Variants in ANKS1B observed in about 807,000 individuals in gnomAD.
ANKS1B encodes ankyrin repeat and sterile alpha motif domain-containing protein 1B.
Under a neutral mutation model 148.3 loss-of-function variants are expected in ANKS1B, and 36 were observed. The observed-to-expected ratio is 0.24, with a 90% CI of 0.19 to 0.32. The LOEUF is 0.32. Ranked by LOEUF, ANKS1B falls within the 10% of genes least tolerant of loss-of-function variation. The pLI, the probability that ANKS1B is intolerant of heterozygous loss-of-function variation, is 1.00. For missense variants in ANKS1B, 1,157 were observed against 1,542.6 expected, an observed-to-expected ratio of 0.75 and a Z score of 4.19; for synonymous variants, 542 against 560.8, an observed-to-expected ratio of 0.97 and a Z score of 0.47.
intron 9 of ANKS1B, among the ~76,000 whole-genome samples, chr12:99,519,163 T>C (rs779857949): frequency 2.6e-5 from 4 of 152,128 alleles, no homozygotes; most frequent in Admixed American, 1.3e-4. Flanking sequence ...TTGAGAATGA[T>C]CCATGTGCTA....
intron 17 of ANKS1B, among the ~76,000 whole-genome samples, chr12:98,865,950 T>C (rs938018066): frequency 1.3e-4 from 20 of 152,120 alleles, no homozygotes; most frequent in Non-Finnish European, 1.6e-4. Context: ...GAGGGCATGC[T>C]TCCTAATAGA....
At chr12:99,012,441 T>C (rs1246214200) in intron 17 of ANKS1B, among the ~76,000 whole-genome samples, 1 of 152,194 alleles carries the variant, frequency 6.6e-6, no homozygotes, top group East Asian at 1.9e-4. Context: ...AGACTTTATA[T>C]TTTCAATTAG....
Position 98,800,675 on chromosome 12 carries a change from GATATATAT to G in ANKS1B, c.3270+314_3270+321del, listed in dbSNP as rs3049844. 1.1e-3 allele frequency among the ~76,000 whole-genome samples: 112 copies of G among 99,712 alleles called. 3 individuals carry two copies. The highest frequency in any genetic ancestry group is 2.0e-3 in the Non-Finnish European group (93 of 46,350). The allele number at this position is 99,712 out of a possible 152,430, so 65.4% of individuals were successfully genotyped here. ...ACCCAGTGTTTGGTGAGTGAGCAGA[GATATATAT>G]ATATATATGCCATATTTACACTCAT... On this transcript the variant is annotated intron_variant, in intron 21 of 26. Transcript: ENST00000683438.
chr12:99,256,219 C>T (rs901353886), intron 12 of ANKS1B, among the ~76,000 whole-genome samples: 6 of 146,088 alleles, frequency 4.1e-5, no homozygotes, highest in Non-Finnish European at 9.0e-5. Flanking sequence ...CACTGCACTC[C>T]AGCCTGGGTG....
chr12:99,785,980 T>G (rs968049928), intron 4 of ANKS1B, among the ~76,000 whole-genome samples: 1 of 152,216 alleles, frequency 6.6e-6, no homozygotes, highest in African/African-American at 2.4e-5. Context: ...TGGAAACTGA[T>G]TCGGCTCTTA....
chr12:99,846,571 T>G (rs576736090), intron 1 of ANKS1B, among the ~76,000 whole-genome samples: 2 of 152,290 alleles, frequency 1.3e-5, no homozygotes, highest in East Asian at 3.9e-4. Flanking sequence ...AATAATTATG[T>G]TGTATTTGAC....
chr12:99,818,470 T>C (rs2153674028), intron 2 of ANKS1B, among the ~76,000 whole-genome samples: 1 of 151,930 alleles, frequency 6.6e-6, no homozygotes, highest in Non-Finnish European at 1.5e-5. Flanking sequence ...TCATTGGGAC[T>C]GTGAAAAAAG....
chr12:99,133,965 T>G (rs2067042393), intron 15 of ANKS1B, among the ~76,000 whole-genome samples: 1 of 152,184 alleles, frequency 6.6e-6, no homozygotes, highest in African/African-American at 2.4e-5. Flanking sequence ...ACAGAGACAT[T>G]AAGTAATTTT....
Position 98,890,631 on chromosome 12 carries a change from C to T in ANKS1B, c.2779-58495G>A, listed in dbSNP as rs556838420. Among the ~76,000 whole-genome samples the T allele has an allele frequency of 7.2e-5, 11 of 152,320 alleles. No individual in the cohort carries two copies. The South Asian group carries it at 2.3e-3, about 32-fold the overall frequency. On this transcript the variant is annotated intron_variant, in intron 17 of 26. Coordinates refer to ENST00000683438, the MANE Select transcript of ANKS1B (RefSeq NM_001352186.2). ...CAAAACATACCACTTGTTGCAGTTA[C>T]AACTACGTGCAAGTCATTCTCAAGC...
chr12:98,752,879 C>G (rs2098130114), intron 25 of ANKS1B, among the ~76,000 whole-genome samples: 1 of 152,184 alleles, frequency 6.6e-6, no homozygotes, highest in Non-Finnish European at 1.5e-5. Flanking sequence ...CTTTTTACCT[C>G]AAACATCTGT....
intron 8 of ANKS1B, among the ~76,000 whole-genome samples, chr12:99,659,377 T>C (rs573769171): frequency 6.8e-6 from 1 of 147,528 alleles, no homozygotes; most frequent in Admixed American, 6.9e-5. Flanking sequence ...TTCCTGAAGT[T>C]CCAGAAAGAT....
At position 99,822,226 on chromosome 12, in the gene ANKS1B, C is replaced by T. The variant is rs577616643; in HGVS notation, c.215+3083G>A. Among the ~76,000 whole-genome samples, 5 of 152,148 alleles carry T rather than the reference C, an allele frequency of 3.3e-5. No individual in the cohort carries two copies. In the South Asian group the frequency reaches 1.0e-3, roughly 32 times the overall value. On this transcript the variant is annotated intron_variant, in intron 2 of 26. Transcript: ENST00000683438. Reference sequence around the variant, plus strand: ...AAGTATGAAGAAGACCCTTGAGTCACCATTCACAGAATAAAAGAAATGTTA... The same window carrying T: ...AAGTATGAAGAAGACCCTTGAGTCATCATTCACAGAATAAAAGAAATGTTA...
intron 11 of ANKS1B, among the ~76,000 whole-genome samples, chr12:99,408,172 T>C (rs2094577280): frequency 6.9e-6 from 1 of 145,530 alleles, no homozygotes; most frequent in Non-Finnish European, 1.5e-5. Context: ...TGGAACAGAA[T>C]GGACAACCCA....
chr12:99,063,745 G>A (rs1007520590), intron 16 of ANKS1B, among the ~76,000 whole-genome samples: 3 of 152,156 alleles, frequency 2.0e-5, no homozygotes, highest in Non-Finnish European at 2.9e-5. Context: ...ACCCTTTAAG[G>A]AGTCTGAGAG....
intron 12 of ANKS1B, among the ~76,000 whole-genome samples, chr12:99,396,735 A>G (rs918780424): frequency 6.6e-6 from 1 of 152,084 alleles, no homozygotes; most frequent in African/African-American, 2.4e-5. Context: ...CTAAATTTCT[A>G]TTGCTTTTAA....
At chr12:99,413,340 A>C (rs1178416080) in intron 11 of ANKS1B, among the ~76,000 whole-genome samples, 1 of 152,212 alleles carries the variant, frequency 6.6e-6, no homozygotes. Context: ...AGTGAATTTC[A>C]AATTGATTGC....
intron 1 of ANKS1B, among the ~76,000 whole-genome samples, chr12:99,880,008 C>T (rs1206068639): frequency 1.3e-5 from 2 of 152,174 alleles, no homozygotes; most frequent in African/African-American, 4.8e-5. Flanking sequence ...GATTGCCTAG[C>T]CTTAAATCCT....
chr12:99,480,287 G>A (rs2096389891), intron 10 of ANKS1B, among the ~76,000 whole-genome samples: 1 of 151,784 alleles, frequency 6.6e-6, no homozygotes, highest in Non-Finnish European at 1.5e-5. Flanking sequence ...GCTTCTTCAT[G>A]TGTAGTGTGA....
At chr12:99,430,340 T>A (rs566650338) in intron 11 of ANKS1B, among the ~76,000 whole-genome samples, 1 of 152,026 alleles carries the variant, frequency 6.6e-6, no homozygotes, top group African/African-American at 2.4e-5. Flanking sequence ...GGTGGCTAAT[T>A]TGATACAGAA....
Sources: gnomAD v4.1 joint callset for allele counts (sites outside exome capture counted in the v4.1 genomes callset) on GRCh38, gnomAD v4.1.1 for gene constraint, MANE v1.5 for transcripts, NCBI Gene and HGNC (gene_info 2026-07-23, HGNC 2026-07-21) for gene names.